CD1A: variants seen among roughly 807,000 people sequenced by gnomAD.
CD1A encodes T-cell surface glycoprotein CD1a.
CD1A carries 50 observed loss-of-function variants against 38.3 expected under a neutral mutation model. That is an observed-to-expected ratio of 1.30 (90% CI 1.04 to 1.65). The LOEUF is 1.65. Ranked by LOEUF, CD1A falls within the 40% of genes most tolerant of loss-of-function variation. The pLI is 0.00. For missense variants in CD1A, 459 were observed against 406.1 expected, an observed-to-expected ratio of 1.13 and a Z score of -1.12; for synonymous variants, 160 against 150.8, an observed-to-expected ratio of 1.06 and a Z score of -0.45.
At chr1:158,248,418 G>T in the CD1A span, 1 of 985,200 alleles carries the variant, frequency 1.0e-6, no homozygotes, top group Non-Finnish European at 1.2e-6. Flanking sequence ...ACAGGTAAGT[G>T]CTGCTACAGT....
At position 158,255,355 on chromosome 1, in the gene CD1A, G is replaced by T. The variant is rs1650222999; in HGVS notation, c.325+5G>T. 6.2e-7 allele frequency: 1 copy of T among 1,612,544 alleles called. No individual in the cohort carries two copies. The highest frequency in any genetic ancestry group is 1.3e-5 in the African/African-American group (1 of 74,928). On this transcript the variant is annotated splice_donor_5th_base_variant and intron_variant, in intron 2 of 5. Transcript: ENST00000289429. ...CCCATGAATTGCAGTTTGAATGTGA[G>T]TTCAGTTTTCTCCATGGAGAGTGGT...
chr1:158,253,175 C>A (rs1399096441), upstream of CD1A, among the ~76,000 whole-genome samples: 2 of 152,016 alleles, frequency 1.3e-5, no homozygotes, highest in African/African-American at 4.8e-5. Context: ...ATAGCCCAGA[C>A]ACATTTATAT....
chr1:158,254,030 G>GTTTTTTTTTTTTTTTTT (rs1398850181), upstream of CD1A: 6 of 45,830 alleles, frequency 1.3e-4, 2 homozygotes, highest in Admixed American at 7.7e-4. Context: ...GTGTTCCTGT[G>GTTTTTTTTTTTTTTTTT]GTTTTTTTTT....
intron 2 of CD1A, among the ~76,000 whole-genome samples, 182 bp downstream of exon 2, chr1:158,255,532 C>G (rs1331494321): frequency 6.6e-6 from 1 of 152,202 alleles, no homozygotes; most frequent in Non-Finnish European, 1.5e-5. Flanking sequence ...TCTCCAAACA[C>G]TTCTGCTACT....
upstream of CD1A, among the ~76,000 whole-genome samples, chr1:158,253,251 G>T (rs1438450244): frequency 1.3e-5 from 2 of 152,112 alleles, no homozygotes; most frequent in African/African-American, 4.8e-5. Context: ...CAGCGTAAAA[G>T]AGGAATGTAA....
At chr1:158,257,099 A>C in intron 4 of CD1A, 35 bp downstream of exon 4, 1 of 1,577,714 alleles carries the variant, frequency 6.3e-7, no homozygotes, top group Non-Finnish European at 8.6e-7. Flanking sequence ...TGGAAATGCC[A>C]GGAAGTGGAC....
the CD1A span, chr1:158,248,483 G>A: frequency 3.3e-6 from 3 of 911,932 alleles, no homozygotes. Context: ...GTGGATCCTG[G>A]GGAAAGGTTT....
upstream of CD1A, among the ~76,000 whole-genome samples, chr1:158,250,554 T>C (rs1047117335): frequency 6.6e-6 from 1 of 152,192 alleles, no homozygotes; most frequent in South Asian, 2.1e-4. Flanking sequence ...TCTTTCAGAC[T>C]TTCCATCCTA....
rs1461142340 is a variant in CD1A at position 158,255,115 on chromosome 1, C to A, written c.90C>A (p.Thr30=). ...GLKEPLSFHV[T]WIASFYNHSW... is the part of the protein sequence containing the mutation. Reference sequence around the variant, plus strand: ...AGGAGCCTCTCTCCTTCCATGTCACCTGGATCGCATCCTTTTACAACCATT... The same window carrying A: ...AGGAGCCTCTCTCCTTCCATGTCACATGGATCGCATCCTTTTACAACCATT... Residue 30 remains threonine, a synonymous_variant, in exon 2 of 6, where the codon ACC becomes ACA. Coordinates refer to ENST00000289429, the MANE Select transcript of CD1A (RefSeq NM_001763.3). 6.2e-7 allele frequency: 1 copy of A among 1,614,078 alleles called. No homozygotes were observed. The highest frequency in any genetic ancestry group is 1.1e-5 in the South Asian group (1 of 91,072).
At chr1:158,250,496 G>A (rs1650058597), upstream of CD1A, among the ~76,000 whole-genome samples, 1 of 152,156 alleles carries the variant, frequency 6.6e-6, no homozygotes, top group African/African-American at 2.4e-5. Flanking sequence ...TCACTATTTG[G>A]GGGATGATCC....
At chr1:158,256,729 G>A (rs1034260530) in intron 3 of CD1A, 57 bp from the exon 4 acceptor site, 15 of 1,567,042 alleles carry the variant, frequency 9.6e-6, no homozygotes, top group Non-Finnish European at 1.3e-5. Context: ...CTTCTAAACT[G>A]TTGTGGAGAT....
intron 3 of CD1A, among the ~76,000 whole-genome samples, 193 bp downstream of exon 3, chr1:158,256,475 C>A (rs1034124660): frequency 6.6e-6 from 1 of 151,980 alleles, no homozygotes. Flanking sequence ...CCCAGACCAG[C>A]CTGAGCAACA....
chr1:158,250,289 A>G (rs79392937), upstream of CD1A, among the ~76,000 whole-genome samples: 3,753 of 152,280 alleles, frequency 0.025, 69 homozygotes, highest in Middle Eastern at 0.034. Context: ...AGGTGAAGTG[A>G]TGGGAGCCAA....
chr1:158,253,079 A>G (rs1009749742), upstream of CD1A, among the ~76,000 whole-genome samples: 2 of 152,212 alleles, frequency 1.3e-5, no homozygotes, highest in African/African-American at 4.8e-5. Context: ...CCTGAGTAAC[A>G]GAGTGAAACC....
chr1:158,255,486 A>G (rs562675160), intron 2 of CD1A, 136 bp downstream of exon 2: 2 of 963,764 alleles, frequency 2.1e-6, no homozygotes, highest in Admixed American at 5.5e-5. Context: ...CTGCAATTGC[A>G]TACTTTTGGG....
upstream of CD1A, chr1:158,254,359 G>A: frequency 1.6e-6 from 2 of 1,216,170 alleles, no homozygotes; most frequent in South Asian, 3.5e-5. Flanking sequence ...GTCCTTAGTG[G>A]TTAAGTGGCT....
At chr1:158,252,077 C>G (rs546405757), upstream of CD1A, among the ~76,000 whole-genome samples, 1 of 151,870 alleles carries the variant, frequency 6.6e-6, no homozygotes, top group Non-Finnish European at 1.5e-5. Flanking sequence ...GATCCGCCCA[C>G]GTTGGCCTCC....
Position 158,257,083 on chromosome 1 carries a change from C to T in CD1A, c.883+19C>T. ...TACTGGGGTGAGAAAAAGCTAAGGC[C>T]CAGGCTGGAAATGCCAGGAAGTGGA... On this transcript the variant is annotated intron_variant, in intron 4 of 5. Transcript: ENST00000289429. The T allele has an allele frequency of 6.3e-7, 1 of 1,586,442 alleles. No homozygotes were observed. The highest frequency in any genetic ancestry group is 1.7e-4 in the Middle Eastern group (1 of 5,912).
chr1:158,250,436 G>C (rs537363557), upstream of CD1A, among the ~76,000 whole-genome samples: 3 of 152,340 alleles, frequency 2.0e-5, 1 homozygote, highest in South Asian at 6.2e-4. Flanking sequence ...ATGCTGCATT[G>C]GTTGCGTGCC....
Sources: gnomAD v4.1 joint callset for allele counts (sites outside exome capture counted in the v4.1 genomes callset) on GRCh38, gnomAD v4.1.1 for gene constraint, MANE v1.5 for transcripts, NCBI Gene and HGNC (gene_info 2026-07-23, HGNC 2026-07-21) for gene names.